NEDD4L: variants seen among roughly 807,000 people sequenced by gnomAD.
The protein encoded by NEDD4L is E3 ubiquitin-protein ligase NEDD4-like.
A neutral mutation model predicts 148.9 loss-of-function variants in NEDD4L; 54 were observed. The observed-to-expected ratio is 0.36, with a 90% CI of 0.29 to 0.45. The LOEUF (loss-of-function observed/expected upper bound fraction) is 0.45, where lower values mean the gene tolerates loss of function less well. NEDD4L is among the 20% of genes least tolerant of loss of function. The probability of loss-of-function intolerance (pLI) is 1.00; values close to 1 mark genes in which losing one functional copy is unlikely to be tolerated. For missense variants in NEDD4L, 856 were observed against 1,233.8 expected, an observed-to-expected ratio of 0.69 and a Z score of 4.59; for synonymous variants, 433 against 440.7, an observed-to-expected ratio of 0.98 and a Z score of 0.22.
At chr18:58,056,474 T>C (rs748995429) in intron 1 of NEDD4L, among the ~76,000 whole-genome samples, 4 of 152,250 alleles carry the variant, frequency 2.6e-5, no homozygotes, top group Admixed American at 6.5e-5. Context: ...CAGGGATGTC[T>C]TCAGGAACCA....
At chr18:58,162,837 G>C (rs1275665181) in intron 1 of NEDD4L, among the ~76,000 whole-genome samples, 4 of 152,046 alleles carry the variant, frequency 2.6e-5, no homozygotes, top group African/African-American at 9.7e-5. Context: ...ACTGAGGCTG[G>C]TGTATCACCT....
chr18:58,112,008 C>A (rs2085451343), intron 1 of NEDD4L, among the ~76,000 whole-genome samples: 1 of 152,200 alleles, frequency 6.6e-6, no homozygotes, highest in African/African-American at 2.4e-5. Context: ...TGTCATTTAA[C>A]ACCAAACTTA....
At chr18:58,346,530 C>G (rs2043092198) in intron 16 of NEDD4L, among the ~76,000 whole-genome samples, 1 of 152,178 alleles carries the variant, frequency 6.6e-6, no homozygotes, top group African/African-American at 2.4e-5. Flanking sequence ...CATCCAAGTT[C>G]AAACTAATGA....
intron 1 of NEDD4L, among the ~76,000 whole-genome samples, chr18:58,108,362 T>A (rs1174520549): frequency 6.6e-6 from 1 of 152,156 alleles, no homozygotes; most frequent in African/African-American, 2.4e-5. Context: ...ATCATGAAAA[T>A]ATTTTGAAAT....
intron 2 of NEDD4L, among the ~76,000 whole-genome samples, chr18:58,221,946 T>C (rs528122254): frequency 9.8e-5 from 15 of 152,318 alleles, no homozygotes; most frequent in African/African-American, 3.4e-4. Flanking sequence ...ACCCTCCTTA[T>C]GCATAAAAAG....
chr18:58,237,024 AAAT>A (rs74175853), intron 2 of NEDD4L, among the ~76,000 whole-genome samples: 2,395 of 150,090 alleles, frequency 0.016, 62 homozygotes, highest in African/African-American at 0.054. Context: ...ACTCCATCTC[AAAT>A]AATAATAATA....
chr18:58,362,864 A>C (rs796263158), intron 19 of NEDD4L, among the ~76,000 whole-genome samples: 5 of 152,334 alleles, frequency 3.3e-5, no homozygotes, highest in African/African-American at 1.2e-4. Context: ...ATGTCAGAAC[A>C]TTGTATTCTT....
At chr18:58,093,672 C>T (rs1378781040) in intron 1 of NEDD4L, among the ~76,000 whole-genome samples, 1 of 152,134 alleles carries the variant, frequency 6.6e-6, no homozygotes, top group Admixed American at 6.5e-5. Context: ...TTGCTACGTG[C>T]TCATGTGTTG....
chr18:58,212,421 A>G (rs751175675), intron 2 of NEDD4L, among the ~76,000 whole-genome samples: 1 of 152,208 alleles, frequency 6.6e-6, no homozygotes, highest in Non-Finnish European at 1.5e-5. Flanking sequence ...CCCATCTTAC[A>G]TGGTGGCAGG....
At chr18:58,225,238 G>T (rs2044225116) in intron 2 of NEDD4L, among the ~76,000 whole-genome samples, 2 of 152,196 alleles carry the variant, frequency 1.3e-5, no homozygotes, top group African/African-American at 4.8e-5. Context: ...CCTTTTTAGA[G>T]ATATTGCCAT....
rs142609185 is a variant in NEDD4L at position 58,270,322 on chromosome 18, C to T, written c.297+18268C>T. On this transcript the variant is annotated intron_variant, in intron 5 of 30. Coordinates refer to ENST00000400345, the MANE Select transcript of NEDD4L (RefSeq NM_001144967.3). Reference sequence around the variant, plus strand: ...ACCTGGGTCAACTCATTTTTTAGGGCGCACAGAAGTGTGGTAGCGGAGCCT... The same window carrying T: ...ACCTGGGTCAACTCATTTTTTAGGGTGCACAGAAGTGTGGTAGCGGAGCCT... Among the ~76,000 whole-genome samples, 24 of 152,244 alleles carry T rather than the reference C, an allele frequency of 1.6e-4. 1 individual carries two copies. The East Asian group carries it at 2.3e-3, about 15-fold the overall frequency.
chr18:58,333,901 T>C lies in NEDD4L; in HGVS notation c.1065+9T>C. On this transcript the variant is annotated intron_variant, in intron 12 of 30. Transcript: ENST00000400345. ...AGGGCCATCTACCACCGGTAACCCA[T>C]GCTAATTTCCAGTCATCAGTTGACT... 1 of 1,599,380 alleles carries C rather than the reference T, an allele frequency of 6.3e-7. No individual in the cohort carries two copies. Among genetic ancestry groups the C allele is most frequent in the Non-Finnish European group, 8.5e-7 (1 of 1,171,038 alleles).
At chr18:58,230,370 T>A (rs1393613652) in intron 2 of NEDD4L, among the ~76,000 whole-genome samples, 2 of 152,036 alleles carry the variant, frequency 1.3e-5, no homozygotes, top group Admixed American at 1.3e-4. Flanking sequence ...TTTCAGTTTT[T>A]GGTATCAGGT....
At chr18:58,167,980 A>G (rs1322521696) in intron 2 of NEDD4L, among the ~76,000 whole-genome samples, 1 of 152,182 alleles carries the variant, frequency 6.6e-6, no homozygotes, top group African/African-American at 2.4e-5. Context: ...TTAAGGTTGA[A>G]TTTGTAGTGG....
At chr18:58,295,838 CAGAT>C (rs1440921443) in intron 5 of NEDD4L, among the ~76,000 whole-genome samples, 2 of 151,434 alleles carry the variant, frequency 1.3e-5, no homozygotes, top group African/African-American at 2.4e-5. Context: ...AGATTCCTGG[CAGAT>C]AGAGATTTTC....
intron 1 of NEDD4L, among the ~76,000 whole-genome samples, chr18:58,152,371 G>A (rs2034888994): frequency 6.6e-6 from 1 of 152,304 alleles, no homozygotes; most frequent in Admixed American, 6.5e-5. Flanking sequence ...GCAAGCTGGG[G>A]AGGAAAGGGG....
At chr18:58,175,373 C>T (rs947858501) in intron 2 of NEDD4L, among the ~76,000 whole-genome samples, 2 of 152,220 alleles carry the variant, frequency 1.3e-5, no homozygotes, top group South Asian at 2.1e-4. Context: ...TGAGGTCCCT[C>T]GAGGTACAGG....
chr18:58,325,227 G>T, intron 9 of NEDD4L, 65 bp downstream of exon 9: 1 of 1,570,812 alleles, frequency 6.4e-7, no homozygotes, highest in Non-Finnish European at 8.7e-7. Flanking sequence ...CAAATATGGC[G>T]GCCCTTTGGG....
chr18:58,249,485 C>G (rs965717116), intron 4 of NEDD4L, among the ~76,000 whole-genome samples: 2 of 152,056 alleles, frequency 1.3e-5, no homozygotes, highest in East Asian at 3.8e-4. Context: ...AGCTATATGT[C>G]GAAATGACTG....
Sources: gnomAD v4.1 joint callset for allele counts (sites outside exome capture counted in the v4.1 genomes callset) on GRCh38, gnomAD v4.1.1 for gene constraint, MANE v1.5 for transcripts, NCBI Gene and HGNC (gene_info 2026-07-23, HGNC 2026-07-21) for gene names.